The following IGSF3 variants were observed in gnomAD, a reference collection of about 807,000 sequenced individuals.
The protein encoded by IGSF3 is immunoglobulin superfamily member 3, also known as glu-Trp-Ile EWI motif-containing protein 3.
In IGSF3, 23 loss-of-function variants were observed where a neutral mutation model predicts 114.4. The observed-to-expected ratio is 0.20, with a 90% CI of 0.14 to 0.28. The LOEUF is 0.28. IGSF3 is among the 10% of genes least tolerant of loss of function. The pLI is 1.00. For synonymous variants in IGSF3, 571 were observed against 645.2 expected, an observed-to-expected ratio of 0.88 and a Z score of 1.74; for missense variants, 1,172 against 1,591.5, an observed-to-expected ratio of 0.74 and a Z score of 4.48.
In IGSF3 at chr1:116,666,410, G is replaced by T; in HGVS notation, c.-84C>A. 1 of 1,254,474 alleles carries T rather than the reference G, an allele frequency of 8.0e-7. No homozygotes were observed. Among genetic ancestry groups the T allele is most frequent in the Non-Finnish European group, 1.2e-6 (1 of 852,538 alleles). 77.7% of individuals were successfully genotyped at this position (1,254,474 alleles called of 1,614,324 possible). On this transcript the variant is annotated 5_prime_UTR_variant, in exon 2 of 11. Coordinates refer to ENST00000369486, the MANE Select transcript of IGSF3 (RefSeq NM_001007237.3). ...TCTCATTTCTGGCAATCCACTTATA[G>T]CTCCAGAGAACAGTTTTGGAAATAG...
rs116356405 is a variant in IGSF3 at position 116,576,989 on chromosome 1, G to T, written c.*323C>A. 2,418 of 271,482 alleles carry T rather than the reference G, an allele frequency of 8.9e-3. 41 individuals are homozygous for T. Among genetic ancestry groups the T allele is most frequent in the African/African-American group, 0.037 (1,655 of 45,194 alleles). The allele number at this position is 271,482 out of a possible 1,614,324, so 16.8% of individuals were successfully genotyped here. On this transcript the variant is annotated 3_prime_UTR_variant, in exon 11 of 11. Coordinates refer to ENST00000369486, the MANE Select transcript of IGSF3 (RefSeq NM_001007237.3). The surrounding 1 kb of genome is among the most constrained non-coding windows in gnomAD (Gnocchi z 4.6). ...AAGAGTACATTACAAAGAATAAGAAGCCCTGTAACATCTATCTGAGAATAC... is the reference window on the plus strand; with the variant it reads ...AAGAGTACATTACAAAGAATAAGAATCCCTGTAACATCTATCTGAGAATAC...
At position 116,624,570 on chromosome 1, in the gene IGSF3, C is replaced by T. The variant is rs1571169223; in HGVS notation, c.44-8113G>A. ...TGTGGAACTAATTTCTCCCACACAC[C>T]GTGGCAGGTTGTATTCTCCAGACAC... On this transcript the variant is annotated intron_variant, in intron 2 of 10. Coordinates refer to ENST00000369486, the MANE Select transcript of IGSF3 (RefSeq NM_001007237.3). The surrounding 1 kb of genome is among the most constrained non-coding windows in gnomAD (Gnocchi z 4.9). Among the ~76,000 whole-genome samples the T allele has an allele frequency of 6.6e-6, 1 of 152,178 alleles. No individual in the cohort carries two copies. The highest frequency in any genetic ancestry group is 2.4e-5 in the African/African-American group (1 of 41,434).
chr1:116,604,031 A>G lies in IGSF3; in HGVS notation c.1223-6T>C. 6.3e-7 allele frequency: 1 copy of G among 1,592,516 alleles called. No individual in the cohort carries two copies. Among genetic ancestry groups the G allele is most frequent in the Non-Finnish European group, 8.5e-7 (1 of 1,172,332 alleles). ...CTCCACGGAGATGCTGCTCTCTAGG[A>G]AGAGGGAGAGAGAAACACCCTGGAG... On this transcript the variant is annotated splice_polypyrimidine_tract_variant and splice_region_variant and intron_variant, in intron 5 of 10. Coordinates refer to ENST00000369486, the MANE Select transcript of IGSF3 (RefSeq NM_001007237.3).
At chr1:116,609,045 A>G (rs1214028306) in intron 4 of IGSF3, among the ~76,000 whole-genome samples, 1 of 151,946 alleles carries the variant, frequency 6.6e-6, no homozygotes, top group African/African-American at 2.4e-5. Flanking sequence ...TTACTTTAGT[A>G]GGAAAGTACC....
At chr1:116,639,143 A>G (rs574489328) in intron 2 of IGSF3, among the ~76,000 whole-genome samples, 1 of 152,306 alleles carries the variant, frequency 6.6e-6, no homozygotes, top group East Asian at 1.9e-4. Flanking sequence ...ACAGGCACTC[A>G]TTCCCTTCCA....
rs745609411 is a variant in IGSF3, at chr1:116,627,096, G to A, written c.44-10639C>T. On this transcript the variant is annotated intron_variant, in intron 2 of 10. Coordinates refer to ENST00000369486, the MANE Select transcript of IGSF3 (RefSeq NM_001007237.3). The surrounding 1 kb of genome is among the most constrained non-coding windows in gnomAD (Gnocchi z 4.7). ...ATTACTCTGACCGCTCTTTCTTTCC[G>A]TCCGGTTTTGGAGATAACAGAAATA... Among the ~76,000 whole-genome samples, 12 of 151,918 alleles carry A rather than the reference G, an allele frequency of 7.9e-5. No homozygotes were observed. Among genetic ancestry groups the A allele is most frequent in the Non-Finnish European group, 1.6e-4 (11 of 68,016 alleles).
intron 4 of IGSF3, among the ~76,000 whole-genome samples, chr1:116,609,078 C>T (rs929694746): frequency 1.3e-5 from 2 of 151,724 alleles, no homozygotes; most frequent in Non-Finnish European, 2.9e-5. Flanking sequence ...AAAGTACCTA[C>T]TAAGTACTCA....
intron 1 of IGSF3, among the ~76,000 whole-genome samples, 162 bp downstream of exon 1, chr1:116,667,456 A>G (rs1649385417): frequency 6.6e-6 from 1 of 151,974 alleles, no homozygotes; most frequent in South Asian, 2.1e-4. Flanking sequence ...GCGCGCTCGC[A>G]GCGCGCCCGC....
intron 2 of IGSF3, among the ~76,000 whole-genome samples, chr1:116,660,047 G>C (rs1304784241): frequency 6.6e-6 from 1 of 152,200 alleles, no homozygotes; most frequent in Non-Finnish European, 1.5e-5. Context: ...AGCAGCAGTG[G>C]CCTGGGCTCT....
chr1:116,610,296 T>A lies in IGSF3; in HGVS notation c.833-1965A>T, dbSNP rs1660966676. Among the ~76,000 whole-genome samples the A allele has an allele frequency of 6.6e-6, 1 of 152,192 alleles. No homozygotes were observed. Among genetic ancestry groups the A allele is most frequent in the South Asian group, 2.1e-4 (1 of 4,824 alleles). On this transcript the variant is annotated intron_variant, in intron 4 of 10. Transcript: ENST00000369486. The surrounding 1 kb of genome is among the most constrained non-coding windows in gnomAD (Gnocchi z 4.3). ...TACCCTAGACCTCAGACCTTTCCGT[T>A]GCTCCAGGTTAGCCTGGCTGTAACT... is the stretch of plus-strand genomic sequence containing the variant.
At chr1:116,587,662 G>C (rs141047452) in intron 8 of IGSF3, among the ~76,000 whole-genome samples, 256 of 152,300 alleles carry the variant, frequency 1.7e-3, no homozygotes, top group Non-Finnish European at 2.9e-3. Flanking sequence ...GTTTTAGAAG[G>C]GACCCCTACT....
rs1270585340 is a variant in IGSF3, at chr1:116,662,775, T to A, written c.43+3509A>T. Among the ~76,000 whole-genome samples the A allele has an allele frequency of 6.6e-6, 1 of 152,180 alleles. No individual in the cohort carries two copies. The highest frequency in any genetic ancestry group is 1.5e-5 in the Non-Finnish European group (1 of 68,040). Reference sequence around the variant, plus strand: ...GTTCATCCATAAATCACAATCCTCATCCCCTTCTTTCAGAACCCTTCTCCT... The same window carrying A: ...GTTCATCCATAAATCACAATCCTCAACCCCTTCTTTCAGAACCCTTCTCCT... On this transcript the variant is annotated intron_variant, in intron 2 of 10. Coordinates refer to ENST00000369486, the MANE Select transcript of IGSF3 (RefSeq NM_001007237.3). This position sits in a 1 kb window ranked among gnomAD's most constrained non-coding sequence, Gnocchi z 4.3.
At chr1:116,652,299 A>G (rs1648663449) in intron 2 of IGSF3, among the ~76,000 whole-genome samples, 1 of 152,192 alleles carries the variant, frequency 6.6e-6, no homozygotes, top group South Asian at 2.1e-4. Context: ...AATCATTCTT[A>G]TTTCTCTCCT....
chr1:116,656,427 G>A (rs1466065549), intron 2 of IGSF3, among the ~76,000 whole-genome samples: 1 of 150,420 alleles, frequency 6.6e-6, no homozygotes, highest in Non-Finnish European at 1.5e-5. Context: ...CCGCCTCCCG[G>A]GTAGCTGCAA....
intron 10 of IGSF3, among the ~76,000 whole-genome samples, chr1:116,578,414 C>G (rs946866543): frequency 6.6e-6 from 1 of 152,210 alleles, no homozygotes. Context: ...TACTGAATAG[C>G]TGTTGCTCAT....
In IGSF3 at chr1:116,651,634, T is replaced by C. The variant is rs531223283; in HGVS notation, c.43+14650A>G. On this transcript the variant is annotated intron_variant, in intron 2 of 10. Transcript: ENST00000369486. The surrounding 1 kb of genome is among the most constrained non-coding windows in gnomAD (Gnocchi z 4.4). ...ACATATTGACTGAGCAACTATTAGG[T>C]TGAACTATGTGACATTATTGACATT... is the stretch of plus-strand genomic sequence containing the variant. 2.6e-5 allele frequency among the ~76,000 whole-genome samples: 4 copies of C among 152,236 alleles called. No homozygotes were observed. Among genetic ancestry groups the C allele is most frequent in the African/African-American group, 7.2e-5 (3 of 41,546 alleles).
rs1659827027 is a variant in IGSF3, at chr1:116,585,987, T to C, written c.2441-935A>G. On this transcript the variant is annotated intron_variant, in intron 8 of 10. Coordinates refer to ENST00000369486, the MANE Select transcript of IGSF3 (RefSeq NM_001007237.3). This position sits in a 1 kb window ranked among gnomAD's most constrained non-coding sequence, Gnocchi z 4.9. Reference sequence around the variant, plus strand: ...AGCAGAGTCTCCTCCAGTAGAAAAATGTCTTTAATGACAGCATGCCCCGAT... The same window carrying C: ...AGCAGAGTCTCCTCCAGTAGAAAAACGTCTTTAATGACAGCATGCCCCGAT... 6.6e-6 allele frequency among the ~76,000 whole-genome samples: 1 copy of C among 152,188 alleles called. No homozygotes were observed.
At chr1:116,608,435 A>G in intron 4 of IGSF3, 104 bp from the exon 5 acceptor site, 1 of 868,384 alleles carries the variant, frequency 1.2e-6, no homozygotes, top group Non-Finnish European at 1.8e-6. Flanking sequence ...TCTTTACAAT[A>G]CTAACTGCGG....
At chr1:116,613,017 C>A (rs1661082678) in intron 4 of IGSF3, among the ~76,000 whole-genome samples, 2 of 152,218 alleles carry the variant, frequency 1.3e-5, no homozygotes, top group South Asian at 4.1e-4. Context: ...GCAACCTCCT[C>A]AGGACCCCTT....
Sources: allele counts gnomAD v4.1 joint callset (sites outside exome capture counted in the v4.1 genomes callset), GRCh38; gene constraint gnomAD v4.1.1; non-coding constraint Gnocchi (gnomAD v3.1); transcripts MANE v1.5; gene names NCBI Gene and HGNC (gene_info 2026-07-23, HGNC 2026-07-21).